The following SREK1IP1 variants were observed in gnomAD, a reference collection of about 807,000 sequenced individuals.
SREK1IP1 encodes SREK1 interacting protein 1.
In SREK1IP1, 12 loss-of-function variants were observed where a neutral mutation model predicts 22.8. That is an observed-to-expected ratio of 0.53 (90% CI 0.34 to 0.85). The LOEUF is 0.85. Ranked by LOEUF, SREK1IP1 falls within the 40% of genes least tolerant of loss-of-function variation. The pLI, the probability that SREK1IP1 is intolerant of heterozygous loss-of-function variation, is 0.02. For missense variants in SREK1IP1, 147 were observed against 171.8 expected, an observed-to-expected ratio of 0.86 and a Z score of 0.81; for synonymous variants, 53 against 52.7, an observed-to-expected ratio of 1.01 and a Z score of -0.02.
intron 2 of SREK1IP1, among the ~76,000 whole-genome samples, chr5:64,745,729 C>A (rs1277555072): frequency 6.6e-6 from 1 of 152,092 alleles, no homozygotes; most frequent in Non-Finnish European, 1.5e-5. Flanking sequence ...GCAGTCTCTG[C>A]CCCACATCCA....
In SREK1IP1 at chr5:64,727,404, G is replaced by A. The variant is rs545376825; in HGVS notation, c.278+703C>T. 1.0e-3 allele frequency among the ~76,000 whole-genome samples: 151 copies of A among 150,024 alleles called. 1 individual carries two copies. The highest frequency in any genetic ancestry group is 1.6e-3 in the Non-Finnish European group (110 of 67,814). Reference sequence around the variant, plus strand: ...ACAGGTGGCCGAAGACTGGAAGGAAGTTGTGATGCTAAAAATTCCTTCAGG... The same window carrying A: ...ACAGGTGGCCGAAGACTGGAAGGAAATTGTGATGCTAAAAATTCCTTCAGG... On this transcript the variant is annotated intron_variant, in intron 4 of 4. Coordinates refer to ENST00000513458, the MANE Select transcript of SREK1IP1 (RefSeq NM_173829.4).
chr5:64,751,210 T>C (rs562381924), intron 2 of SREK1IP1, among the ~76,000 whole-genome samples: 9 of 152,228 alleles, frequency 5.9e-5, no homozygotes, highest in Admixed American at 2.0e-4. Flanking sequence ...GCTAATGTGA[T>C]GCTACATGCT....
Position 64,752,224 on chromosome 5 carries a change from T to G in SREK1IP1, c.61+2091A>C, listed in dbSNP as rs368332670. Reference sequence around the variant, plus strand: ...TGGAGTGCAGTGGCGCAATCTCGGCTCACTGCAAACTCCACCTCCCGGGTT... The same window carrying G: ...TGGAGTGCAGTGGCGCAATCTCGGCGCACTGCAAACTCCACCTCCCGGGTT... On this transcript the variant is annotated intron_variant, in intron 2 of 4. Transcript: ENST00000513458. Among the ~76,000 whole-genome samples, 250 of 141,760 alleles carry G rather than the reference T, an allele frequency of 1.8e-3. 1 individual carries two copies. Among genetic ancestry groups the G allele is most frequent in the African/African-American group, 6.2e-3 (236 of 38,074 alleles). The allele number at this position is 141,760 out of a possible 152,430, so 93.0% of individuals were successfully genotyped here.
At chr5:64,739,959 A>T (rs185333796) in intron 3 of SREK1IP1, among the ~76,000 whole-genome samples, 97 of 152,266 alleles carry the variant, frequency 6.4e-4, no homozygotes, top group Non-Finnish European at 1.0e-3. Context: ...AATGAATTTA[A>T]AATTTGTAAC....
intron 1 of SREK1IP1, among the ~76,000 whole-genome samples, chr5:64,757,496 CATA>C (rs1274407225): frequency 6.6e-5 from 10 of 152,192 alleles, no homozygotes; most frequent in Non-Finnish European, 8.8e-5. Flanking sequence ...AAAATTTGAG[CATA>C]ATGTGATTTT....
chr5:64,725,884 G>A (rs1228966914), intron 4 of SREK1IP1, among the ~76,000 whole-genome samples: 3 of 123,894 alleles, frequency 2.4e-5, no homozygotes, highest in Admixed American at 9.0e-5. Context: ...TTTTTTCTGA[G>A]ACAGAGTTTC....
At chr5:64,749,104 AAT>A (rs869076898) in intron 2 of SREK1IP1, among the ~76,000 whole-genome samples, 237 of 144,494 alleles carry the variant, frequency 1.6e-3, no homozygotes, top group East Asian at 8.1e-3. Context: ...TAATAATAAT[AAT>A]AAAAACCCTC....
chr5:64,725,641 G>A (rs1742249152), intron 4 of SREK1IP1, among the ~76,000 whole-genome samples: 1 of 151,826 alleles, frequency 6.6e-6, no homozygotes, highest in African/African-American at 2.4e-5. Context: ...TTTCCTCCTT[G>A]TTTGTCTACT....
At chr5:64,750,191 A>G (rs561030873) in intron 2 of SREK1IP1, among the ~76,000 whole-genome samples, 6 of 152,168 alleles carry the variant, frequency 3.9e-5, no homozygotes, top group African/African-American at 1.4e-4. Flanking sequence ...TATCATCTGC[A>G]ACTGTTTTAT....
At chr5:64,763,549 A>G (rs1335349223) in intron 1 of SREK1IP1, among the ~76,000 whole-genome samples, 1 of 151,164 alleles carries the variant, frequency 6.6e-6, no homozygotes, top group Non-Finnish European at 1.5e-5. Flanking sequence ...CCTCCCCCAA[A>G]AAAAGAAAAA....
rs529931025 is a variant in SREK1IP1 at position 64,729,487 on chromosome 5, T to C, written c.206-1308A>G. On this transcript the variant is annotated intron_variant, in intron 3 of 4. Transcript: ENST00000513458. ...GAATGAGAACAGATGAACAATATCA[T>C]AAATACATGTAGAATACCATGAAAT... 3.9e-5 allele frequency among the ~76,000 whole-genome samples: 6 copies of C among 152,232 alleles called. No individual in the cohort carries two copies. In the South Asian group the frequency reaches 1.0e-3, roughly 26 times the overall value.
intron 4 of SREK1IP1, among the ~76,000 whole-genome samples, chr5:64,727,346 G>C (rs1170770949): frequency 7.3e-6 from 1 of 136,760 alleles, no homozygotes; most frequent in South Asian, 2.1e-4. Context: ...TCTTTAACCA[G>C]TTAGTTTTTA....
In SREK1IP1 at chr5:64,722,559, G is replaced by C. The variant is rs569968544; in HGVS notation, c.*1825C>G. On this transcript the variant is annotated 3_prime_UTR_variant, in exon 5 of 5. Transcript: ENST00000513458. ...TTGTGCCAGCCTCGTTTTTAAAAAA[G>C]CTTTATATTAAAAACCGATTTTTAA... 4 of 152,244 alleles carry C rather than the reference G, an allele frequency of 2.6e-5. No homozygotes were observed. Among genetic ancestry groups the C allele is most frequent in the African/African-American group, 9.6e-5 (4 of 41,562 alleles). The allele number at this position is 152,244 out of a possible 1,614,324, so 9.4% of individuals were successfully genotyped here. A position where few individuals can be genotyped will look rare whatever the true frequency, so the allele number is the denominator to read the frequency against.
At chr5:64,738,919 C>T (rs1302752526) in intron 3 of SREK1IP1, among the ~76,000 whole-genome samples, 1 of 152,068 alleles carries the variant, frequency 6.6e-6, no homozygotes, top group Non-Finnish European at 1.5e-5. Flanking sequence ...ATATAATTTC[C>T]CTTCCAAAAT....
intron 3 of SREK1IP1, among the ~76,000 whole-genome samples, chr5:64,735,287 TA>T (rs765324485): frequency 6.6e-6 from 1 of 152,096 alleles, no homozygotes; most frequent in Non-Finnish European, 1.5e-5. Flanking sequence ...TTCAATTTGC[TA>T]AAATTCTCTT....
At chr5:64,757,166 T>C (rs1464733741) in intron 1 of SREK1IP1, among the ~76,000 whole-genome samples, 3 of 152,216 alleles carry the variant, frequency 2.0e-5, no homozygotes, top group African/African-American at 4.8e-5. Flanking sequence ...TCCCAGCAGT[T>C]TGAGAAGATT....
chr5:64,748,449 A>G (rs1458438932), intron 2 of SREK1IP1, among the ~76,000 whole-genome samples: 1 of 152,246 alleles, frequency 6.6e-6, no homozygotes, highest in Non-Finnish European at 1.5e-5. Context: ...ACTGAATTGT[A>G]TATTTAAAAA....
intron 3 of SREK1IP1, among the ~76,000 whole-genome samples, chr5:64,731,947 T>C (rs1742388466): frequency 6.6e-6 from 1 of 151,924 alleles, no homozygotes; most frequent in Non-Finnish European, 1.5e-5. Flanking sequence ...TTGGAAAAAA[T>C]GATTAAAGGC....
chr5:64,758,339 T>C (rs1013810223), intron 1 of SREK1IP1, among the ~76,000 whole-genome samples: 1 of 152,178 alleles, frequency 6.6e-6, no homozygotes, highest in African/African-American at 2.4e-5. Context: ...CGGCTAATTT[T>C]TGTATTTTTA....
Sources: gnomAD v4.1 joint callset for allele counts (sites outside exome capture counted in the v4.1 genomes callset) on GRCh38, gnomAD v4.1.1 for gene constraint, MANE v1.5 for transcripts, NCBI Gene and HGNC (gene_info 2026-07-23, HGNC 2026-07-21) for gene names.